The following TNK2 variants were observed in gnomAD, a reference collection of about 807,000 sequenced individuals.
TNK2 encodes the protein tyrosine kinase non receptor 2, also known as activated CDC42 kinase 1.
A neutral mutation model predicts 101.8 loss-of-function variants in TNK2; 83 were observed. The ratio of observed to expected loss-of-function variants is 0.82; its 90% CI spans 0.68 to 0.98. The LOEUF (loss-of-function observed/expected upper bound fraction) is 0.98. TNK2 is among the 50% of genes least tolerant of loss of function. The pLI is 0.00. For missense variants in TNK2, 1,665 were observed against 1,483.2 expected (o/e 1.12, Z -2.01); for synonymous variants, 804 against 633.0 (o/e 1.27, Z -4.06).
intron 6 of TNK2, chr3:195,879,390 T>TGG: frequency 3.7e-6 from 2 of 540,446 alleles, no homozygotes; most frequent in Non-Finnish European, 6.2e-6. Flanking sequence ...TCTTATTCAC[T>TGG]TGCAGCCTGG....
rs113728103 is a variant in TNK2 at position 195,870,140 on chromosome 3, G to A, written c.1517C>T (p.Pro506Leu). The A allele has an allele frequency of 4.3e-5, 63 of 1,477,426 alleles. No homozygotes were observed. The highest frequency in any genetic ancestry group is 8.3e-5 in the South Asian group (6 of 72,154). The allele number at this position is 1,477,426 out of a possible 1,614,324, so 91.5% of individuals were successfully genotyped here. Reference protein sequence around the residue: ...LLSVELSTSRPPQHLGGVKRE... With the variant: ...LLSVELSTSRLPQHLGGVKRE... ...TTTCACCCCTCCTAGATGCTGGGGGGGCCGGGAGGTGCTCAGTTCCACGCT... is the reference window on the plus strand; with the variant it reads ...TTTCACCCCTCCTAGATGCTGGGGGAGCCGGGAGGTGCTCAGTTCCACGCT... The change falls in exon 11 of 16, where the codon CCC becomes CTC. Residue 506 changes from proline (P) to leucine (L), a missense_variant. By Grantham distance (98) the Pro-to-Leu change is moderately conservative (BLOSUM62 -3). Transcript: ENST00000672887.
At chr3:195,869,234 G>A (rs886906412) in intron 12 of TNK2, 29 of 590,916 alleles carry the variant, frequency 4.9e-5, no homozygotes, top group Admixed American at 8.9e-5. Flanking sequence ...GGCCACACTC[G>A]TGCTCCAGAA....
At position 195,870,175 on chromosome 3, in the gene TNK2, G is replaced by A. The variant is rs771074548; in HGVS notation, c.1482C>T (p.Pro494=). 1.9e-5 allele frequency: 29 copies of A among 1,518,760 alleles called. No individual in the cohort carries two copies. Among genetic ancestry groups the A allele is most frequent in the African/African-American group, 4.1e-5 (3 of 72,650 alleles). 94.1% of individuals were successfully genotyped at this position (1,518,760 alleles called of 1,614,324 possible). ...TGCTCAGTTCCACGCTCAGGAGGTCGGGGGGGTCCATGGGGTTTCCCAGAT... is the reference window on the plus strand; with the variant it reads ...TGCTCAGTTCCACGCTCAGGAGGTCAGGGGGGTCCATGGGGTTTCCCAGAT... ...ELYLGNPMDP[P]DLLSVELSTS... Residue 494 remains proline (P), a synonymous_variant, in exon 11 of 16, where the codon CCC becomes CCT. Coordinates refer to ENST00000672887, the MANE Select transcript of TNK2 (RefSeq NM_001382273.1).
chr3:195,875,438 C>T (rs1441138530), intron 9 of TNK2, among the ~76,000 whole-genome samples: 2 of 146,870 alleles, frequency 1.4e-5, no homozygotes, highest in East Asian at 2.1e-4. Flanking sequence ...CTCGGGATGG[C>T]GCCCACGCAC....
chr3:195,899,596 C>T (rs1484658734), intron 1 of TNK2, among the ~76,000 whole-genome samples: 1 of 152,236 alleles, frequency 6.6e-6, no homozygotes, highest in African/African-American at 2.4e-5. Flanking sequence ...GCCCACAGGG[C>T]TGAGATTATA....
intron 15 of TNK2, among the ~76,000 whole-genome samples, chr3:195,865,614 G>A (rs140571564): frequency 9.2e-4 from 131 of 142,806 alleles, no homozygotes; most frequent in African/African-American, 3.2e-3. Flanking sequence ...TGCGTCCCAG[G>A]TGCAAATCAG....
At chr3:195,866,436 G>A (rs913974360) in intron 15 of TNK2, among the ~76,000 whole-genome samples, 5 of 152,172 alleles carry the variant, frequency 3.3e-5, no homozygotes, top group African/African-American at 4.8e-5. Context: ...CCTGACCTCA[G>A]GTGATCCTCC....
At chr3:195,869,073 C>T (rs906828883) in intron 12 of TNK2, 7 of 462,638 alleles carry the variant, frequency 1.5e-5, no homozygotes, top group South Asian at 3.1e-5. Flanking sequence ...GCCCCTGTCA[C>T]GGCACACCAT....
chr3:195,885,633 C>G lies in TNK2; in HGVS notation c.235-600G>C. On this transcript the variant is annotated intron_variant, in intron 3 of 15. Transcript: ENST00000672887. The surrounding 1 kb of genome is among the most constrained non-coding windows in gnomAD (Gnocchi z 4.7). ...AAGCTAGTCCTTGCTGGGAAGGGGC[C>G]TGGGAAGACAGCTGGGTCTCTGGAG... 1.6e-6 allele frequency: 2 copies of G among 1,271,396 alleles called. No individual in the cohort carries two copies. The highest frequency in any genetic ancestry group is 2.1e-6 in the Non-Finnish European group (2 of 972,356). 78.8% of individuals were successfully genotyped at this position (1,271,396 alleles called of 1,614,324 possible). A position where few individuals can be genotyped will look rare whatever the true frequency, so the allele number is the denominator to read the frequency against.
intron 4 of TNK2, chr3:195,884,512 G>A: frequency 3.1e-6 from 1 of 321,462 alleles, no homozygotes; most frequent in Non-Finnish European, 5.7e-6. Flanking sequence ...GTGTGGTGGT[G>A]CATGCCTGTA....
rs1489559331 is a variant in TNK2 at position 195,870,420 on chromosome 3, A to G, written c.1452-215T>C. On this transcript the variant is annotated intron_variant, in intron 10 of 15. Coordinates refer to ENST00000672887, the MANE Select transcript of TNK2 (RefSeq NM_001382273.1). ...GAAAGGACACCTGACCCCAGGATGG[A>G]AAGCCTAGGACCTCAGGGACTCCAA... 5.7e-6 allele frequency: 8 copies of G among 1,400,688 alleles called. No individual in the cohort carries two copies. In the South Asian group the frequency reaches 7.2e-5, roughly 13 times the overall value. The allele number at this position is 1,400,688 out of a possible 1,614,324, so 86.8% of individuals were successfully genotyped here.
At chr3:195,869,462 G>T in intron 12 of TNK2, 35 bp downstream of exon 12, 1 of 1,548,672 alleles carries the variant, frequency 6.5e-7, no homozygotes, top group Non-Finnish European at 8.7e-7. Context: ...GGGGGCGGGG[G>T]CGGGGGCCAA....
rs940895312 is a variant in TNK2 at position 195,868,034 on chromosome 3, G to A, written c.2264C>T (p.Pro755Leu). ...SPGGDDKPQV[P>L]PRVPIPPRPT... is the part of the protein sequence containing the mutation. ...CCGAGGGGGGATGGGTACCCGAGGAGGCACCTGGGGCTTGTCGTCACCCCC... is the reference window on the plus strand; with the variant it reads ...CCGAGGGGGGATGGGTACCCGAGGAAGCACCTGGGGCTTGTCGTCACCCCC... The change falls in exon 13 of 16, where the codon CCT becomes CTT. Residue 755 changes from proline to leucine, a missense_variant. Pro to Leu is a moderately conservative substitution (Grantham distance 98, BLOSUM62 -3). Coordinates refer to ENST00000672887, the MANE Select transcript of TNK2 (RefSeq NM_001382273.1). 8 of 1,591,974 alleles carry A rather than the reference G, an allele frequency of 5.0e-6. No homozygotes were observed. Among genetic ancestry groups the A allele is most frequent in the African/African-American group, 4.0e-5 (3 of 74,632 alleles).
In TNK2 at chr3:195,868,540, G is replaced by A. The variant is rs748213582; in HGVS notation, c.1758C>T (p.Ile586=). Residue 586 remains isoleucine, a synonymous_variant, in exon 13 of 16, where the codon ATC becomes ATT. Transcript: ENST00000672887. ...GGACCACGGGCTCCTCACCGAAGTC[G>A]ATGAGCGTGACCTCAGCCCCGCTGC... is the stretch of plus-strand genomic sequence containing the variant. ...SRGSGAEVTL[I]DFGEEPVVPA... 2.6e-5 allele frequency: 41 copies of A among 1,567,138 alleles called. No individual in the cohort carries two copies. Among genetic ancestry groups the A allele is most frequent in the Admixed American group, 7.5e-5 (4 of 53,546 alleles).
At chr3:195,874,200 T>C (rs6793113) in intron 9 of TNK2, among the ~76,000 whole-genome samples, 2,926 of 152,264 alleles carry the variant, frequency 0.019, 48 homozygotes, top group African/African-American at 0.051. Flanking sequence ...AGTAACTGGG[T>C]GAGAATGCCG....
chr3:195,881,540 C>G (rs1406063004), intron 6 of TNK2, among the ~76,000 whole-genome samples: 1 of 105,232 alleles, frequency 9.5e-6, no homozygotes, highest in Non-Finnish European at 1.9e-5. Context: ...TAACACCCCC[C>G]CCAGCAATGC....
intron 15 of TNK2, among the ~76,000 whole-genome samples, chr3:195,864,569 A>G (rs1234723063): frequency 4.3e-5 from 6 of 140,802 alleles, no homozygotes; most frequent in South Asian, 2.4e-4. Flanking sequence ...TGCATCCTAG[A>G]TGCAAATCAG....
intron 6 of TNK2, among the ~76,000 whole-genome samples, chr3:195,880,021 G>A (rs529012263): frequency 2.6e-5 from 4 of 152,258 alleles, no homozygotes; most frequent in South Asian, 2.1e-4. Flanking sequence ...CCAGCTGCTC[G>A]TTAAGATGAC....
Position 195,884,977 on chromosome 3 carries a change from G to T in TNK2, c.291C>A (p.Thr97=), listed in dbSNP as rs1158992676. The T allele has an allele frequency of 3.1e-6, 5 of 1,613,358 alleles. No individual in the cohort carries two copies. The highest frequency in any genetic ancestry group is 3.4e-6 in the Non-Finnish European group (4 of 1,179,682). Residue 97 remains threonine, a synonymous_variant, in exon 4 of 16, where the codon ACC becomes ACA. Coordinates refer to ENST00000672887, the MANE Select transcript of TNK2 (RefSeq NM_001382273.1). ...AEFPPHHSQS[T]FRKTSPAPGG... ...CAGGGGCGGGCGAGGTCTTCCGGAA[G>T]GTGCTCTGAGAGTGATGAGGTGGGA...
Sources: gnomAD v4.1 joint callset for allele counts (sites outside exome capture counted in the v4.1 genomes callset) on GRCh38, gnomAD v4.1.1 for gene constraint, Gnocchi (gnomAD v3.1) non-coding constraint, MANE v1.5 for transcripts, NCBI Gene and HGNC (gene_info 2026-07-23, HGNC 2026-07-21) for gene names.